GALNT18: variants seen among roughly 807,000 people sequenced by gnomAD.
GALNT18 encodes the protein GalNAc-transferase 18.
A neutral mutation model predicts 69.5 loss-of-function variants in GALNT18; 44 were observed. The ratio of observed to expected loss-of-function variants is 0.63; its 90% CI spans 0.50 to 0.81. GALNT18 has a LOEUF of 0.81. GALNT18 is among the 40% of genes least tolerant of loss of function. The pLI is 0.00. For synonymous variants in GALNT18, 364 were observed against 318.2 expected (o/e 1.14, Z -1.53); for missense variants, 715 against 810.0 (o/e 0.88, Z 1.42).
At chr11:11,477,733 T>C (rs943582893) in intron 1 of GALNT18, among the ~76,000 whole-genome samples, 4 of 152,232 alleles carry the variant, frequency 2.6e-5, no homozygotes, top group African/African-American at 9.6e-5. Flanking sequence ...AAGAAAGTCA[T>C]GGTCTTGTCT....
chr11:11,454,539 A>G lies in GALNT18; in HGVS notation c.236-5603T>C, dbSNP rs1855883288. 6.6e-6 allele frequency among the ~76,000 whole-genome samples: 1 copy of G among 151,952 alleles called. No individual in the cohort carries two copies. The highest frequency in any genetic ancestry group is 2.4e-5 in the African/African-American group (1 of 41,340). ...CTCTCTCTCTCTTTCAAATCTCACC[A>G]AGTAAGGCTCAGAATCAAAAAGATT... On this transcript the variant is annotated intron_variant, in intron 1 of 10. Coordinates refer to ENST00000227756, the MANE Select transcript of GALNT18 (RefSeq NM_198516.3). The surrounding 1 kb of genome is among the most constrained non-coding windows in gnomAD (Gnocchi z 4.2).
chr11:11,379,507 T>C (rs927656378), intron 3 of GALNT18, among the ~76,000 whole-genome samples: 1 of 152,242 alleles, frequency 6.6e-6, no homozygotes, highest in African/African-American at 2.4e-5. Flanking sequence ...CAGGGTCATA[T>C]ACACCACAAA....
chr11:11,377,734 G>C lies in GALNT18; in HGVS notation c.780-355C>G, dbSNP rs1853804432. ...AGAAAGAAACAGATCTGAGGCTCCA[G>C]AAAAAGCTTTCACCTTGGGCTTTGA... On this transcript the variant is annotated intron_variant, in intron 4 of 10. Transcript: ENST00000227756. This position sits in a 1 kb window ranked among gnomAD's most constrained non-coding sequence, Gnocchi z 4.6. 6.6e-6 allele frequency among the ~76,000 whole-genome samples: 1 copy of C among 152,100 alleles called. No individual in the cohort carries two copies.
chr11:11,537,961 A>C (rs1323812804), intron 1 of GALNT18, among the ~76,000 whole-genome samples: 1 of 152,144 alleles, frequency 6.6e-6, no homozygotes, highest in African/African-American at 2.4e-5. Flanking sequence ...TTCCATGGCC[A>C]ATTTTAATCT....
chr11:11,572,396 C>T (rs1858813254), intron 1 of GALNT18, among the ~76,000 whole-genome samples: 1 of 152,210 alleles, frequency 6.6e-6, no homozygotes, highest in South Asian at 2.1e-4. Flanking sequence ...GCCTGAATAA[C>T]TTAGTCTTCA....
rs117342596 is a variant in GALNT18 at position 11,557,910 on chromosome 11, G to A, written c.235+63449C>T. 8.4e-3 allele frequency among the ~76,000 whole-genome samples: 1,273 copies of A among 152,334 alleles called. 10 individuals are homozygous for A. Among genetic ancestry groups the A allele is most frequent in the South Asian group, 0.03 (145 of 4,820 alleles). The stretch of plus-strand genomic sequence containing the variant: ...ATTTCCCCAGCTTGAAGCAGAAGCT[G>A]ATTATTTGTCAAACTCAACTGAAGA... On this transcript the variant is annotated intron_variant, in intron 1 of 10. Transcript: ENST00000227756.
chr11:11,510,328 G>A (rs1393635534), intron 1 of GALNT18, among the ~76,000 whole-genome samples: 1 of 152,152 alleles, frequency 6.6e-6, no homozygotes, highest in East Asian at 1.9e-4. Flanking sequence ...TCTCCCAGGG[G>A]CCCTGTGAGA....
intron 1 of GALNT18, among the ~76,000 whole-genome samples, chr11:11,503,679 A>G (rs575428267): frequency 1.3e-5 from 2 of 152,282 alleles, no homozygotes; most frequent in Non-Finnish European, 2.9e-5. Flanking sequence ...AAACTACTAC[A>G]GTGCCACAGT....
chr11:11,312,457 C>A (rs941524878), intron 9 of GALNT18, among the ~76,000 whole-genome samples: 1 of 152,162 alleles, frequency 6.6e-6, no homozygotes, highest in Non-Finnish European at 1.5e-5. Flanking sequence ...AATGGACCAT[C>A]ATAAAGTTCT....
chr11:11,321,408 G>A (rs1464886236), intron 9 of GALNT18, among the ~76,000 whole-genome samples: 1 of 152,174 alleles, frequency 6.6e-6, no homozygotes, highest in Admixed American at 6.5e-5. Flanking sequence ...GTGTATTTTA[G>A]TATAAAATTC....
At chr11:11,571,118 T>A (rs776507408) in intron 1 of GALNT18, among the ~76,000 whole-genome samples, 23 of 152,192 alleles carry the variant, frequency 1.5e-4, no homozygotes, top group South Asian at 4.1e-4. Context: ...AGCAACCTAA[T>A]GAGGTCAGTC....
intron 1 of GALNT18, among the ~76,000 whole-genome samples, chr11:11,509,429 G>T (rs1185500483): frequency 1.3e-5 from 2 of 152,094 alleles, no homozygotes; most frequent in East Asian, 1.9e-4. Flanking sequence ...GAGGGGAAGG[G>T]AGCACTGTGA....
intron 4 of GALNT18, among the ~76,000 whole-genome samples, chr11:11,378,659 C>T (rs1375144037): frequency 6.6e-6 from 1 of 152,240 alleles, no homozygotes; most frequent in African/African-American, 2.4e-5. Context: ...AAGCTTCCCC[C>T]ACCTTTGCCC....
intron 3 of GALNT18, among the ~76,000 whole-genome samples, chr11:11,429,590 C>A (rs893217491): frequency 3.3e-5 from 5 of 151,954 alleles, no homozygotes; most frequent in African/African-American, 1.2e-4. Flanking sequence ...CCACTGCAGG[C>A]AGGTGAGGCA....
chr11:11,383,214 A>T lies in GALNT18; in HGVS notation c.596-3950T>A, dbSNP rs913093986. 6.6e-6 allele frequency among the ~76,000 whole-genome samples: 1 copy of T among 152,138 alleles called. No homozygotes were observed. The highest frequency in any genetic ancestry group is 1.5e-5 in the Non-Finnish European group (1 of 68,026). On this transcript the variant is annotated intron_variant, in intron 3 of 10. Transcript: ENST00000227756. The surrounding 1 kb of genome is among the most constrained non-coding windows in gnomAD (Gnocchi z 5.2). The stretch of plus-strand genomic sequence containing the variant: ...GCTGCTTGCCAGCTCTCATTTCTTC[A>T]GACTTAGACGCCAAGGAAACACAGG...
In GALNT18 at chr11:11,352,661, C is replaced by A; in HGVS notation, c.1093-11657G>T. 3 of 1,614,160 alleles carry A rather than the reference C, an allele frequency of 1.9e-6. No homozygotes were observed. The South Asian group carries it at 3.3e-5, about 18-fold the overall frequency. ...CATTATGGGGCTTGACATCTCTGTG[C>A]ATAATTCCCATGCTGTGACAATAAT... On this transcript the variant is annotated intron_variant, in intron 6 of 10. Transcript: ENST00000227756.
intron 10 of GALNT18, among the ~76,000 whole-genome samples, chr11:11,273,418 T>G (rs1848868213): frequency 6.6e-6 from 1 of 152,248 alleles, no homozygotes; most frequent in Non-Finnish European, 1.5e-5. Flanking sequence ...ACAAAAGACT[T>G]ATAAATGGCA....
intron 5 of GALNT18, among the ~76,000 whole-genome samples, chr11:11,376,003 T>A (rs1258562325): frequency 2.0e-5 from 3 of 152,210 alleles, no homozygotes; most frequent in Non-Finnish European, 4.4e-5. Flanking sequence ...CCAAAAACTG[T>A]ACCCTAGGCC....
At chr11:11,370,586 A>AG (rs948294709) in intron 6 of GALNT18, among the ~76,000 whole-genome samples, 2 of 106,088 alleles carry the variant, frequency 1.9e-5, no homozygotes, top group African/African-American at 8.1e-5. Flanking sequence ...GAAGAGATGG[A>AG]GGAAAAAAAA....
Sources: allele counts gnomAD v4.1 joint callset (sites outside exome capture counted in the v4.1 genomes callset), GRCh38; gene constraint gnomAD v4.1.1; non-coding constraint Gnocchi (gnomAD v3.1); transcripts MANE v1.5; gene names NCBI Gene and HGNC (gene_info 2026-07-23, HGNC 2026-07-21).